Variants in SLC41A2 observed in about 807,000 individuals in gnomAD.
SLC41A2 encodes SLC41A1-like 1.
In SLC41A2, 32 loss-of-function variants were observed where a neutral mutation model predicts 58.3. The ratio of observed to expected loss-of-function variants is 0.55; its 90% CI spans 0.41 to 0.74. The LOEUF is 0.74. Ranked by LOEUF, SLC41A2 falls within the 30% of genes least tolerant of loss-of-function variation. SLC41A2 has a pLI of 0.00. For missense variants in SLC41A2, 514 were observed against 680.6 expected (o/e 0.76, Z 2.72); for synonymous variants, 190 against 235.0 (o/e 0.81, Z 1.75).
At chr12:104,908,992 T>C (rs936573753) in intron 3 of SLC41A2, among the ~76,000 whole-genome samples, 12 of 152,188 alleles carry the variant, frequency 7.9e-5, no homozygotes, top group Non-Finnish European at 1.3e-4. Context: ...AAGTAAACTG[T>C]AGTAGAGCTA....
At chr12:104,887,024 C>T (rs1424573578) in intron 5 of SLC41A2, among the ~76,000 whole-genome samples, 1 of 151,966 alleles carries the variant, frequency 6.6e-6, no homozygotes, top group East Asian at 1.9e-4. Context: ...AAGTTTCTGT[C>T]TATAAACCTA....
Position 104,877,570 on chromosome 12 carries a change from CTTTT to C in SLC41A2, c.1027+8719_1027+8722del, listed in dbSNP as rs555140018. Among the ~76,000 whole-genome samples, 10 of 152,168 alleles carry C rather than the reference CTTTT, an allele frequency of 6.6e-5. No homozygotes were observed. The East Asian group carries it at 9.6e-4, about 15-fold the overall frequency. On this transcript the variant is annotated intron_variant, in intron 6 of 10. Transcript: ENST00000258538. ...TCTGTGATAGTAACATTCCATTTTA[CTTTT>C]TTTATTTCTTGATCCAGTCAAATTA...
At chr12:104,865,968 A>C (rs1196502659) in intron 7 of SLC41A2, among the ~76,000 whole-genome samples, 1 of 152,190 alleles carries the variant, frequency 6.6e-6, no homozygotes, top group African/African-American at 2.4e-5. Flanking sequence ...AATCTTTTAC[A>C]TATGTCCTTA....
chr12:104,925,133 G>A (rs573180039), intron 2 of SLC41A2, among the ~76,000 whole-genome samples: 1 of 152,290 alleles, frequency 6.6e-6, no homozygotes, highest in East Asian at 1.9e-4. Flanking sequence ...TATATTTCTT[G>A]AGCTGGTTGA....
Position 104,889,130 on chromosome 12 carries a change from T to C in SLC41A2, c.783A>G (p.Ile261Met). 3.1e-6 allele frequency: 5 copies of C among 1,611,494 alleles called. 1 individual carries two copies. The South Asian group carries it at 5.5e-5, about 18-fold the overall frequency. Residue 261 changes from isoleucine (I) to methionine (M), a missense_variant, in exon 5 of 11, where the codon ATA becomes ATG. Ile to Met is a conservative substitution (Grantham distance 10). This residue lies in a region of SLC41A2 where 336 missense variants were observed against 430.0 expected (regional missense o/e 0.78). Transcript: ENST00000258538. ...VGFLAAVAAI[I>M]LGWIPEGKYY... ...ATTTTCCTTCTGGAATCCAGCCCAATATAATTGCTGCCACAGCTGCTAGAA... is the reference window on the plus strand; with the variant it reads ...ATTTTCCTTCTGGAATCCAGCCCAACATAATTGCTGCCACAGCTGCTAGAA...
intron 10 of SLC41A2, among the ~76,000 whole-genome samples, chr12:104,821,081 G>A (rs1417374795): frequency 6.6e-6 from 1 of 152,116 alleles, no homozygotes; most frequent in East Asian, 1.9e-4. Context: ...CAGTTTCTGT[G>A]ATTCTTTTCT....
chr12:104,857,446 A>G (rs1235951946), intron 8 of SLC41A2, among the ~76,000 whole-genome samples: 1 of 152,178 alleles, frequency 6.6e-6, no homozygotes, highest in Non-Finnish European at 1.5e-5. Flanking sequence ...ACAGTGTGGC[A>G]ATTCCTCAAG....
chr12:104,807,632 C>T (rs1016733346), intron 10 of SLC41A2, among the ~76,000 whole-genome samples: 16 of 152,030 alleles, frequency 1.1e-4, no homozygotes, highest in Admixed American at 1.3e-4. Context: ...GGGGATGGCA[C>T]TGAATCTATA....
chr12:104,895,015 A>G (rs187966447), intron 4 of SLC41A2, among the ~76,000 whole-genome samples: 175 of 152,348 alleles, frequency 1.1e-3, no homozygotes, highest in African/African-American at 4.2e-3. Context: ...CACTTATGAT[A>G]GAAAATATTT....
intron 8 of SLC41A2, among the ~76,000 whole-genome samples, chr12:104,853,496 A>AT (rs1025176991): frequency 5.9e-5 from 9 of 151,928 alleles, no homozygotes; most frequent in Non-Finnish European, 8.8e-5. Flanking sequence ...AATATTTTCC[A>AT]TTTTTTTCAT....
chr12:104,855,629 A>G (rs79722712), intron 8 of SLC41A2, among the ~76,000 whole-genome samples: 1,903 of 152,262 alleles, frequency 0.012, 53 homozygotes, highest in African/African-American at 0.044. Context: ...CTACTCAACA[A>G]AACTGAACTC....
chr12:104,856,137 CTT>C (rs2043012651), intron 8 of SLC41A2, among the ~76,000 whole-genome samples: 1 of 152,130 alleles, frequency 6.6e-6, no homozygotes, highest in South Asian at 2.1e-4. Flanking sequence ...GGGGACCACA[CTT>C]TGAAAATCTC....
intron 2 of SLC41A2, among the ~76,000 whole-genome samples, chr12:104,910,365 T>C (rs2046029406): frequency 6.6e-6 from 1 of 152,174 alleles, no homozygotes; most frequent in Admixed American, 6.5e-5. Flanking sequence ...GGTTTGTGCT[T>C]CTAGCCATGG....
intron 3 of SLC41A2, among the ~76,000 whole-genome samples, chr12:104,898,042 T>A (rs1443026862): frequency 6.6e-6 from 1 of 152,212 alleles, no homozygotes; most frequent in African/African-American, 2.4e-5. Context: ...TAGAAGGTGA[T>A]AAAATATAAT....
intron 8 of SLC41A2, among the ~76,000 whole-genome samples, chr12:104,857,981 C>T (rs1319502512): frequency 2.6e-5 from 4 of 151,708 alleles, no homozygotes; most frequent in Non-Finnish European, 5.9e-5. Context: ...GCACATGTAC[C>T]CTAGAACTTA....
At chr12:104,945,503 A>G (rs1240545990) in intron 1 of SLC41A2, among the ~76,000 whole-genome samples, 1 of 152,146 alleles carries the variant, frequency 6.6e-6, no homozygotes, top group Non-Finnish European at 1.5e-5. Context: ...CCGCCTCAAA[A>G]AAAAAGAAAA....
intron 6 of SLC41A2, among the ~76,000 whole-genome samples, chr12:104,870,660 A>G (rs1374214347): frequency 6.6e-6 from 1 of 152,214 alleles, no homozygotes; most frequent in Admixed American, 6.5e-5. Context: ...ACTGGCAAAC[A>G]TAACTAGCAT....
At chr12:104,839,220 A>G (rs2136309361) in intron 10 of SLC41A2, among the ~76,000 whole-genome samples, 1 of 152,306 alleles carries the variant, frequency 6.6e-6, no homozygotes, top group South Asian at 2.1e-4. Context: ...GTTGGAATTC[A>G]ATAGAATAGG....
intron 3 of SLC41A2, among the ~76,000 whole-genome samples, chr12:104,906,215 T>C (rs1380261648): frequency 6.6e-6 from 1 of 152,222 alleles, no homozygotes; most frequent in Non-Finnish European, 1.5e-5. Flanking sequence ...CACCATTATA[T>C]AAGGAAATAC....
Sources: gnomAD v4.1 joint callset for allele counts (sites outside exome capture counted in the v4.1 genomes callset) on GRCh38, gnomAD v4.1.1 for gene constraint, gnomAD v4.1.1 regional missense constraint, MANE v1.5 for transcripts, NCBI Gene and HGNC (gene_info 2026-07-23, HGNC 2026-07-21) for gene names.